KCNA6: variants seen among roughly 807,000 people sequenced by gnomAD.
KCNA6 encodes potassium voltage-gated channel subfamily A member 6, also known as human brain potassium channel-2.
In KCNA6, 17 loss-of-function variants were observed where a neutral mutation model predicts 29.5. That is an observed-to-expected ratio of 0.58 (90% CI 0.39 to 0.86). The LOEUF is 0.86. Ranked by LOEUF, KCNA6 falls within the 40% of genes least tolerant of loss-of-function variation. KCNA6 has a pLI of 0.00. For missense variants in KCNA6, 450 were observed against 703.4 expected, an observed-to-expected ratio of 0.64 and a Z score of 4.07; for synonymous variants, 296 against 304.7, an observed-to-expected ratio of 0.97 and a Z score of 0.30.
chr12:4,838,693 C>G, the KCNA6 span, among the ~76,000 whole-genome samples: 1 of 152,202 alleles, frequency 6.6e-6, no homozygotes, highest in Non-Finnish European at 1.5e-5. Flanking sequence ...GCTGTGGTGG[C>G]TAGAAATCCG....
chr12:4,849,216 A>G, the KCNA6 span, among the ~76,000 whole-genome samples: 1 of 152,176 alleles, frequency 6.6e-6, no homozygotes, highest in Non-Finnish European at 1.5e-5. Context: ...CAGTCCAGGG[A>G]GAAAGCTTAT....
rs34642709 is a variant in KCNA6, at chr12:4,811,601, T to A, written c.1560T>A (p.Tyr520Ter). The stretch of plus-strand genomic sequence containing the variant: ...ACCTTCCTACACCACATCGGGCCTA[T>A]GCAGAGAAAAGAATGCTCACGGAGG... The change falls in exon 1 of 1, where the codon TAT (tyrosine) becomes TAA (stop). Residue 520 changes from tyrosine (Y) to a stop codon, truncating the protein, a stop_gained. Transcript: ENST00000280684. LOFTEE classifies it high-confidence loss of function. This position sits in a 1 kb window ranked among gnomAD's most constrained non-coding sequence, Gnocchi z 7.1. The A allele has an allele frequency of 1.2e-6, 2 of 1,614,084 alleles. No homozygotes were observed.
At chr12:4,849,155 A>T in the KCNA6 span, among the ~76,000 whole-genome samples, 2 of 152,008 alleles carry the variant, frequency 1.3e-5, no homozygotes, top group Admixed American at 6.5e-5. Context: ...AAAATAAAAT[A>T]AAAAATTACG....
the KCNA6 span, among the ~76,000 whole-genome samples, chr12:4,842,915 G>GT: frequency 6.6e-6 from 1 of 152,118 alleles, no homozygotes; most frequent in Non-Finnish European, 1.5e-5. Flanking sequence ...TAAAACTTGT[G>GT]TCCGTGGCCA....
chr12:4,825,642 G>A, the KCNA6 span, among the ~76,000 whole-genome samples: 5 of 152,306 alleles, frequency 3.3e-5, no homozygotes, highest in East Asian at 9.6e-4. Flanking sequence ...CCCCTCTTGA[G>A]TTGTTCAGAA....
Position 4,810,131 on chromosome 12 carries a change from G to A in KCNA6, c.90G>A (p.Glu30=), listed in dbSNP as rs752094239. 1 of 1,598,704 alleles carries A rather than the reference G, an allele frequency of 6.3e-7. No individual in the cohort carries two copies. The highest frequency in any genetic ancestry group is 8.5e-7 in the Non-Finnish European group (1 of 1,173,742). Reference sequence around the variant, plus strand: ...AACAGGATGCGGGAGACTTCCCGGAGGCCGGCGGGGGCGGGGGCTGCTGTA... The same window carrying A: ...AACAGGATGCGGGAGACTTCCCGGAAGCCGGCGGGGGCGGGGGCTGCTGTA... Residue 30 remains glutamate (E), a synonymous_variant, in exon 1 of 1, where the codon GAG becomes GAA. Transcript: ENST00000280684. This position sits in a 1 kb window ranked among gnomAD's most constrained non-coding sequence, Gnocchi z 7.5.
At chr12:4,842,226 C>A in the KCNA6 span, among the ~76,000 whole-genome samples, 41 of 152,240 alleles carry the variant, frequency 2.7e-4, no homozygotes, top group East Asian at 4.4e-3. Flanking sequence ...ATTTGAATAA[C>A]TAACAGGAGT....
the KCNA6 span, among the ~76,000 whole-genome samples, chr12:4,849,032 A>G: frequency 1.0e-5 from 1 of 99,384 alleles, no homozygotes; most frequent in Non-Finnish European, 2.3e-5. Flanking sequence ...AGGCAGGAGA[A>G]TCATTTGAAC....
chr12:4,828,126 T>C, the KCNA6 span, among the ~76,000 whole-genome samples: 1 of 152,012 alleles, frequency 6.6e-6, no homozygotes, highest in Non-Finnish European at 1.5e-5. Context: ...TCTGTATCTC[T>C]ATAGAGACAC....
downstream of KCNA6, among the ~76,000 whole-genome samples, chr12:4,815,019 A>G (rs925537055): frequency 6.6e-6 from 1 of 151,898 alleles, no homozygotes; most frequent in African/African-American, 2.4e-5. Flanking sequence ...CCTGTAAAAA[A>G]TTATCTCTTT....
the KCNA6 span, among the ~76,000 whole-genome samples, chr12:4,848,651 C>G: frequency 6.6e-6 from 1 of 152,054 alleles, no homozygotes; most frequent in Admixed American, 6.5e-5. Context: ...TCTCCTGCTT[C>G]GGCCTGCCGA....
downstream of KCNA6, among the ~76,000 whole-genome samples, chr12:4,815,239 A>ACT (rs1273548973): frequency 3.3e-5 from 5 of 151,996 alleles, no homozygotes; most frequent in Non-Finnish European, 5.9e-5. Context: ...CGCACATTGA[A>ACT]CTGTAGGACA....
At chr12:4,818,444 G>A in the KCNA6 span, among the ~76,000 whole-genome samples, 1 of 152,180 alleles carries the variant, frequency 6.6e-6, no homozygotes. Context: ...TCAAATGGAG[G>A]ATAATAATAG....
downstream of KCNA6, among the ~76,000 whole-genome samples, chr12:4,818,200 C>T (rs1231419294): frequency 6.6e-6 from 1 of 152,230 alleles, no homozygotes; most frequent in Non-Finnish European, 1.5e-5. Context: ...CTAGGGAATC[C>T]TGACCTTGCG....
At chr12:4,816,251 TGTGTGTGTGTGTG>T (rs1369379741), downstream of KCNA6, among the ~76,000 whole-genome samples, 5 of 5,360 alleles carry the variant, frequency 9.3e-4, no homozygotes, top group African/African-American at 6.0e-3. Context: ...CACGAACTGG[TGTGTGTGTGTGTG>T]TGTGTGTGTG....
the KCNA6 span, among the ~76,000 whole-genome samples, chr12:4,841,756 A>G: frequency 2.0e-5 from 3 of 152,168 alleles, no homozygotes; most frequent in Non-Finnish European, 4.4e-5. Flanking sequence ...GACTGGTAAT[A>G]TAGAGAGGAG....
At position 4,810,203 on chromosome 12, in the gene KCNA6, A is replaced by G. The variant is rs140432394; in HGVS notation, c.162A>G (p.Thr54=). ...ATATCTCCGGGCTGCGCTTTGAGACACAATTGCGCACCCTGTCGCTGTTTC... is the reference window on the plus strand; with the variant it reads ...ATATCTCCGGGCTGCGCTTTGAGACGCAATTGCGCACCCTGTCGCTGTTTC... The change falls in exon 1 of 1, where the codon ACA becomes ACG. Residue 54 remains threonine, a synonymous_variant. Coordinates refer to ENST00000280684, the Ensembl canonical transcript of KCNA6. This position sits in a 1 kb window ranked among gnomAD's most constrained non-coding sequence, Gnocchi z 7.5. The G allele has an allele frequency of 3.6e-5, 58 of 1,613,390 alleles. No homozygotes were observed. The highest frequency in any genetic ancestry group is 4.8e-5 in the Non-Finnish European group (57 of 1,179,946).
the KCNA6 span, among the ~76,000 whole-genome samples, chr12:4,850,549 G>T: frequency 6.6e-6 from 1 of 152,142 alleles, no homozygotes; most frequent in African/African-American, 2.4e-5. The surrounding 1 kb of genome is among the most constrained non-coding windows in gnomAD (Gnocchi z 5.4). Flanking sequence ...TTCAGTGGGT[G>T]GCAGTGGGAG....
chr12:4,833,473 G>A, the KCNA6 span, among the ~76,000 whole-genome samples: 2 of 152,140 alleles, frequency 1.3e-5, no homozygotes, highest in African/African-American at 2.4e-5. Flanking sequence ...CACTTCTGCT[G>A]CAGTGCTGTT....
Sources: allele counts gnomAD v4.1 joint callset (sites outside exome capture counted in the v4.1 genomes callset), GRCh38; gene constraint gnomAD v4.1.1; non-coding constraint Gnocchi (gnomAD v3.1); transcripts MANE v1.5; gene names NCBI Gene and HGNC (gene_info 2026-07-23, HGNC 2026-07-21).